CHDH: variants seen among roughly 807,000 people sequenced by gnomAD.
The protein encoded by CHDH is choline dehydrogenase, also known as choline dehydrogenase, mitochondrial.
Under a neutral mutation model 56.9 loss-of-function variants are expected in CHDH, and 43 were observed. That is an observed-to-expected ratio of 0.76 (90% CI 0.59 to 0.97). CHDH has a LOEUF of 0.97. Ranked by LOEUF, CHDH falls within the 50% of genes least tolerant of loss-of-function variation. The pLI is 0.00. For missense variants in CHDH, 816 were observed against 821.1 expected (o/e 0.99, Z 0.08); for synonymous variants, 364 against 348.5 (o/e 1.04, Z -0.50).
intron 2 of CHDH, among the ~76,000 whole-genome samples, chr3:53,825,105 C>T (rs2095636598): frequency 6.6e-6 from 1 of 152,202 alleles, no homozygotes; most frequent in South Asian, 2.1e-4. Flanking sequence ...CCCCACACCA[C>T]TCCCCACCAG....
At chr3:53,830,960 G>C (rs887357320) in intron 2 of CHDH, among the ~76,000 whole-genome samples, 1 of 152,172 alleles carries the variant, frequency 6.6e-6, no homozygotes, top group African/African-American at 2.4e-5. Flanking sequence ...CACCAAGAGG[G>C]CTCTTGGGTT....
chr3:53,845,666 C>G (rs1247598435), intron 1 of CHDH, among the ~76,000 whole-genome samples: 1 of 152,094 alleles, frequency 6.6e-6, no homozygotes, highest in Admixed American at 6.5e-5. Context: ...GGGCCTGACC[C>G]GGACCTGCCG....
chr3:53,829,645 T>G (rs1698271873), intron 2 of CHDH, among the ~76,000 whole-genome samples: 1 of 152,190 alleles, frequency 6.6e-6, no homozygotes. Flanking sequence ...CCTCTTCCCC[T>G]CTTGCCCCAC....
At chr3:53,823,267 G>A (rs549358390) in intron 3 of CHDH, 39 bp downstream of exon 3, 2 of 1,449,452 alleles carry the variant, frequency 1.4e-6, no homozygotes, top group African/African-American at 1.4e-5. Flanking sequence ...GCTGGGGTAG[G>A]GGGTAGTGCT....
chr3:53,826,327 A>C (rs1399553876), intron 2 of CHDH, among the ~76,000 whole-genome samples: 1 of 150,638 alleles, frequency 6.6e-6, no homozygotes, highest in Non-Finnish European at 1.5e-5. Flanking sequence ...AAAAAAAAAA[A>C]CCACTACAGA....
At chr3:53,845,271 A>C (rs924917180) in intron 1 of CHDH, among the ~76,000 whole-genome samples, 2 of 152,196 alleles carry the variant, frequency 1.3e-5, no homozygotes, top group Non-Finnish European at 2.9e-5. Flanking sequence ...CAGTCCATGC[A>C]AGCCTTAATC....
intron 2 of CHDH, among the ~76,000 whole-genome samples, chr3:53,826,081 A>G (rs1449660054): frequency 1.3e-5 from 2 of 152,148 alleles, no homozygotes; most frequent in Non-Finnish European, 2.9e-5. Flanking sequence ...ACAAGCAGAA[A>G]GACACTCCAG....
At chr3:53,830,488 G>A (rs1698300167) in intron 2 of CHDH, among the ~76,000 whole-genome samples, 1 of 150,856 alleles carries the variant, frequency 6.6e-6, no homozygotes, top group African/African-American at 2.4e-5. Context: ...CAAATATCAG[G>A]GCCCCAAAAT....
Position 53,815,877 on chromosome 3 carries a change from C to T in CHDH, c.*1900G>A. ...ACTCCTGTTTCTGCACTCTTGCAGG[C>T]AGCCCCGAGACCCAGGTGACTGATG... On this transcript the variant is annotated 3_prime_UTR_variant, in exon 9 of 9. Transcript: ENST00000315251. 6.6e-6 allele frequency: 1 copy of T among 152,366 alleles called. No homozygotes were observed. Among genetic ancestry groups the T allele is most frequent in the Non-Finnish European group, 1.5e-5 (1 of 68,050 alleles). 9.4% of individuals were successfully genotyped at this position (152,366 alleles called of 1,614,324 possible). A position where few individuals can be genotyped will look rare whatever the true frequency, so the allele number is the denominator to read the frequency against.
At position 53,818,090 on chromosome 3, in the gene CHDH, T is replaced by C. The variant is rs1281813417; in HGVS notation, c.1472A>G (p.His491Arg). 2 of 1,614,222 alleles carry C rather than the reference T, an allele frequency of 1.2e-6. No individual in the cohort carries two copies. The highest frequency in any genetic ancestry group is 1.1e-5 in the South Asian group (1 of 91,090). Residue 491 changes from histidine (H) to arginine (R), a missense_variant, in exon 9 of 9, where the codon CAC becomes CGC. Coordinates refer to ENST00000315251, the MANE Select transcript of CHDH (RefSeq NM_018397.5). ...FRGKELQPGS[H>R]IQSDKEIDAF... ...ATCTATCTCTTTATCTGACTGAATGTGGCTTCCTGGCTGGAGCTCTTTCCC... is the reference window on the plus strand; with the variant it reads ...ATCTATCTCTTTATCTGACTGAATGCGGCTTCCTGGCTGGAGCTCTTTCCC...
chr3:53,844,726 G>A (rs1698797576), intron 1 of CHDH: 1 of 152,448 alleles, frequency 6.6e-6, no homozygotes. Context: ...ATGAACGCAT[G>A]TTAGTGAATG....
rs142459730 is a variant in CHDH, at chr3:53,821,509, G to A, written c.985+138C>T. 1.0e-3 allele frequency: 766 copies of A among 740,186 alleles called. 10 individuals are homozygous for A. In the African/African-American group the frequency reaches 0.012, roughly 12 times the overall value. 45.9% of individuals were successfully genotyped at this position (740,186 alleles called of 1,614,324 possible). ...GTCCAGTGAGGCCTGGGAAACCTTC[G>A]GGCTCTCGGGGACAATGTGATAGTT... On this transcript the variant is annotated intron_variant, in intron 5 of 8. Transcript: ENST00000315251.
intron 1 of CHDH, among the ~76,000 whole-genome samples, chr3:53,844,138 C>T (rs73094054): frequency 0.039 from 5,886 of 152,320 alleles, 160 homozygotes; most frequent in Non-Finnish European, 0.058. Flanking sequence ...ATCACCCCAT[C>T]CCTAAGCCCC....
chr3:53,819,280 A>G lies in CHDH; in HGVS notation c.1264-240T>C, dbSNP rs1482964201. Among the ~76,000 whole-genome samples, 6 of 152,190 alleles carry G rather than the reference A, an allele frequency of 3.9e-5. No homozygotes were observed. The highest frequency in any genetic ancestry group is 1.3e-4 in the Admixed American group (2 of 15,282). On this transcript the variant is annotated intron_variant, in intron 7 of 8. Coordinates refer to ENST00000315251, the MANE Select transcript of CHDH (RefSeq NM_018397.5). The surrounding 1 kb of genome is among the most constrained non-coding windows in gnomAD (Gnocchi z 5.4). ...CAAAGCTTTCAGAGGTGGTGATCCC[A>G]GAGCCAAGTCAGCCCCTCTGTTTGT...
Position 53,815,673 on chromosome 3 carries a change from C to CA in CHDH, c.*2103dup, listed in dbSNP as rs2106952076. On this transcript the variant is annotated 3_prime_UTR_variant, in exon 9 of 9. Coordinates refer to ENST00000315251, the MANE Select transcript of CHDH (RefSeq NM_018397.5). ...CCATGGTCTCAGACACTGACACACC[C>CA]ATGGGACACAGAGATGGTAGAACTA... 1 of 152,386 alleles carries CA rather than the reference C, an allele frequency of 6.6e-6. No homozygotes were observed. Among genetic ancestry groups the CA allele is most frequent in the South Asian group, 2.1e-4 (1 of 4,828 alleles). 9.4% of individuals were successfully genotyped at this position (152,386 alleles called of 1,614,324 possible). A position where few individuals can be genotyped will look rare whatever the true frequency, so the allele number is the denominator to read the frequency against.
chr3:53,830,678 C>G (rs1245675926), intron 2 of CHDH, among the ~76,000 whole-genome samples: 1 of 152,140 alleles, frequency 6.6e-6, no homozygotes, highest in East Asian at 1.9e-4. Context: ...AAAACATTCA[C>G]TACAACAAGA....
chr3:53,819,133 C>T lies in CHDH; in HGVS notation c.1264-93G>A. 1 of 840,418 alleles carries T rather than the reference C, an allele frequency of 1.2e-6. No homozygotes were observed. The highest frequency in any genetic ancestry group is 1.9e-6 in the Non-Finnish European group (1 of 519,674). The allele number at this position is 840,418 out of a possible 1,614,324, so 52.1% of individuals were successfully genotyped here. A position where few individuals can be genotyped will look rare whatever the true frequency, so the allele number is the denominator to read the frequency against. ...GGTTTACCTGTAGGGTGGGCCTCTG[C>T]TTCCAGAATCAGTGGGGAACAGATG... On this transcript the variant is annotated intron_variant, in intron 7 of 8. Coordinates refer to ENST00000315251, the MANE Select transcript of CHDH (RefSeq NM_018397.5). The surrounding 1 kb of genome is among the most constrained non-coding windows in gnomAD (Gnocchi z 5.4).
chr3:53,820,605 AC>A lies in CHDH; in HGVS notation c.988del (p.Val330LeufsTer78). 6.2e-7 allele frequency: 1 copy of A among 1,610,880 alleles called. No homozygotes were observed. Among genetic ancestry groups the A allele is most frequent in the Non-Finnish European group, 8.5e-7 (1 of 1,178,588 alleles). ...GIPVVCHLPGVGQNLQDHLEI... is the reference protein window; with the variant it reads ...GIPVVCHLPGXGQNLQDHLEI... ...CAGGTGGTCTTGCAGGTTCTGGCCA[AC>A]CCCTGATACGGGAAGGAGTGGTTTA... On this transcript the variant is annotated frameshift_variant and splice_region_variant, in exon 6 of 9. Coordinates refer to ENST00000315251, the MANE Select transcript of CHDH (RefSeq NM_018397.5). LOFTEE classifies it high-confidence loss of function.
chr3:53,837,324 T>C (rs935514199), intron 2 of CHDH, among the ~76,000 whole-genome samples: 1 of 152,184 alleles, frequency 6.6e-6, no homozygotes, highest in Non-Finnish European at 1.5e-5. Flanking sequence ...TTCTGGACAG[T>C]GTGGACGAGG....
Sources: gnomAD v4.1 joint callset for allele counts (sites outside exome capture counted in the v4.1 genomes callset) on GRCh38, gnomAD v4.1.1 for gene constraint, Gnocchi (gnomAD v3.1) non-coding constraint, MANE v1.5 for transcripts, NCBI Gene and HGNC (gene_info 2026-07-23, HGNC 2026-07-21) for gene names.